The following MAN1A2 variants were observed in gnomAD, a reference collection of about 807,000 sequenced individuals.
MAN1A2 encodes the protein mannosidase alpha class 1A member 2.
A neutral mutation model predicts 75.7 loss-of-function variants in MAN1A2; 26 were observed. The ratio of observed to expected loss-of-function variants is 0.34; its 90% CI spans 0.25 to 0.48. The LOEUF (loss-of-function observed/expected upper bound fraction) is 0.48, where lower values mean the gene tolerates loss of function less well. Ranked by LOEUF, MAN1A2 falls within the 20% of genes least tolerant of loss-of-function variation. MAN1A2 has a pLI of 0.99. For missense variants in MAN1A2, 562 were observed against 775.5 expected (o/e 0.72, Z 3.27); for synonymous variants, 247 against 264.6 (o/e 0.93, Z 0.65).
intron 5 of MAN1A2, among the ~76,000 whole-genome samples, chr1:117,421,045 A>T (rs1648169655): frequency 6.6e-6 from 1 of 152,122 alleles, no homozygotes; most frequent in Non-Finnish European, 1.5e-5. Context: ...CTTACTGTTT[A>T]GAAATTGAAT....
At chr1:117,475,402 G>C (rs1650284449) in intron 8 of MAN1A2, among the ~76,000 whole-genome samples, 1 of 151,238 alleles carries the variant, frequency 6.6e-6, no homozygotes, top group South Asian at 2.1e-4. Context: ...AAGTTGTGAG[G>C]TACATGCCAG....
chr1:117,430,862 T>TG (rs1259320413), intron 5 of MAN1A2, among the ~76,000 whole-genome samples: 3 of 107,410 alleles, frequency 2.8e-5, no homozygotes, highest in Non-Finnish European at 5.7e-5. Context: ...GGCAGGCGGC[T>TG]GGGAGGTGTA....
At chr1:117,370,213 T>C (rs1433257384) in intron 1 of MAN1A2, among the ~76,000 whole-genome samples, 1 of 152,208 alleles carries the variant, frequency 6.6e-6, no homozygotes, top group Non-Finnish European at 1.5e-5. Context: ...CTAAAACTAT[T>C]GGGTTCCTGA....
Position 117,493,195 on chromosome 1 carries a change from T to C in MAN1A2, c.1217T>C (p.Leu406Pro). The change falls in exon 9 of 13, where the codon CTG becomes CCG. Residue 406 changes from leucine (L) to proline (P), a missense_variant. By Grantham distance (98) the Leu-to-Pro change is moderately conservative. Around this residue, in one of 2 missense-constraint regions of MAN1A2, gnomAD observed 434 missense variants for 645.7 expected, o/e 0.67. Transcript: ENST00000356554. ...GLGDSFYEYL[L>P]KAWLMSDKTD... ...GGAGACAGTTTTTATGAATACTTACTGAAAGCATGGTTGATGTCAGATAAA... is the reference window on the plus strand; with the variant it reads ...GGAGACAGTTTTTATGAATACTTACCGAAAGCATGGTTGATGTCAGATAAA... The C allele has an allele frequency of 6.2e-7, 1 of 1,612,434 alleles. No homozygotes were observed. The highest frequency in any genetic ancestry group is 8.5e-7 in the Non-Finnish European group (1 of 1,179,040).
At chr1:117,475,121 A>G (rs1192274810) in intron 8 of MAN1A2, among the ~76,000 whole-genome samples, 2 of 151,686 alleles carry the variant, frequency 1.3e-5, no homozygotes, top group Non-Finnish European at 1.5e-5. Context: ...TTACAAATAA[A>G]GCTGCTATGA....
At chr1:117,408,302 TAAA>T (rs1245208449) in intron 3 of MAN1A2, among the ~76,000 whole-genome samples, 7 of 119,670 alleles carry the variant, frequency 5.8e-5, no homozygotes, top group Non-Finnish European at 8.7e-5. Context: ...CCCTTTCTCT[TAAA>T]AAAAAAAAAA....
At chr1:117,517,751 A>C (rs1389788505) in intron 12 of MAN1A2, among the ~76,000 whole-genome samples, 1 of 152,020 alleles carries the variant, frequency 6.6e-6, no homozygotes, top group East Asian at 1.9e-4. Context: ...AAATAATGGC[A>C]AAAAACTTTC....
Position 117,402,190 on chromosome 1 carries a change from G to A in MAN1A2, c.307G>A (p.Glu103Lys). The change falls in exon 2 of 13, where the codon GAG (glutamate) becomes AAG (lysine). Residue 103 changes from glutamate (E) to lysine (K), a missense_variant. By Grantham distance (56) the Glu-to-Lys change is moderately conservative. Coordinates refer to ENST00000356554, the MANE Select transcript of MAN1A2 (RefSeq NM_006699.5). ...TATTTCCTTCTTTTCTCACAGGGAA[G>A]AGGAAGAACGTCTGAGAAATAAAAT... ...HGPDEHRHRE[E>K]EERLRNKIRA... The A allele has an allele frequency of 6.2e-7, 1 of 1,606,662 alleles. No homozygotes were observed. Among genetic ancestry groups the A allele is most frequent in the Non-Finnish European group, 8.5e-7 (1 of 1,177,640 alleles).
At chr1:117,421,723 G>A (rs1648207199) in intron 5 of MAN1A2, among the ~76,000 whole-genome samples, 1 of 151,372 alleles carries the variant, frequency 6.6e-6, no homozygotes, top group Non-Finnish European at 1.5e-5. Context: ...ATTATATTGT[G>A]TGATTTGTTT....
chr1:117,410,069 C>G (rs1337867715), intron 3 of MAN1A2, among the ~76,000 whole-genome samples: 2 of 151,740 alleles, frequency 1.3e-5, no homozygotes, highest in Admixed American at 1.3e-4. Flanking sequence ...CTTAGAATAC[C>G]TAATACAATA....
At chr1:117,463,633 A>G (rs962709698) in intron 7 of MAN1A2, among the ~76,000 whole-genome samples, 22 of 152,296 alleles carry the variant, frequency 1.4e-4, no homozygotes, top group African/African-American at 4.8e-4. Flanking sequence ...TTGTGCAAAC[A>G]TACTGCTAGA....
At chr1:117,485,478 A>T (rs2101864937) in intron 8 of MAN1A2, among the ~76,000 whole-genome samples, 1 of 152,128 alleles carries the variant, frequency 6.6e-6, no homozygotes, top group South Asian at 2.1e-4. Context: ...AATGGACAAG[A>T]TATTTCAACA....
Position 117,493,226 on chromosome 1 carries a change from C to T in MAN1A2, c.1248C>T (p.Asp416=), listed in dbSNP as rs142019647. The T allele has an allele frequency of 6.4e-5, 103 of 1,611,718 alleles. No homozygotes were observed. In the African/African-American group the frequency reaches 9.1e-4, roughly 14 times the overall value. ...CATGGTTGATGTCAGATAAAACAGA[C>T]CATGAGGCAAGAAAGATGTATGATG... ...LKAWLMSDKT[D]HEARKMYDDA... is the part of the protein sequence containing the mutation. The change falls in exon 9 of 13, where the codon GAC becomes GAT. Residue 416 remains aspartate (D), a synonymous_variant. Coordinates refer to ENST00000356554, the MANE Select transcript of MAN1A2 (RefSeq NM_006699.5).
intron 1 of MAN1A2, among the ~76,000 whole-genome samples, chr1:117,388,551 C>A (rs1202964493): frequency 6.6e-6 from 1 of 152,058 alleles, no homozygotes; most frequent in Non-Finnish European, 1.5e-5. Flanking sequence ...GTAGGCATCT[C>A]ACACAGTAGG....
intron 6 of MAN1A2, among the ~76,000 whole-genome samples, chr1:117,455,400 T>A (rs1361835667): frequency 6.6e-6 from 1 of 152,104 alleles, no homozygotes; most frequent in Non-Finnish European, 1.5e-5. Context: ...TTTGGAAGGA[T>A]TGACTTGGTT....
At chr1:117,513,423 C>T (rs905007222) in intron 12 of MAN1A2, among the ~76,000 whole-genome samples, 1 of 151,856 alleles carries the variant, frequency 6.6e-6, no homozygotes, top group Non-Finnish European at 1.5e-5. Context: ...TCATTCCTTT[C>T]TATTGATGAG....
intron 6 of MAN1A2, among the ~76,000 whole-genome samples, chr1:117,443,391 A>G (rs1215402774): frequency 1.3e-5 from 2 of 152,188 alleles, no homozygotes; most frequent in Admixed American, 1.3e-4. Flanking sequence ...AGCAAGCTCC[A>G]TGGAAGGATA....
chr1:117,515,050 G>T (rs142882630), intron 12 of MAN1A2: 23 of 310,248 alleles, frequency 7.4e-5, no homozygotes, highest in African/African-American at 4.5e-4. Context: ...AAATAGCTTG[G>T]AGTCTGGTTT....
In MAN1A2 at chr1:117,368,194, C is replaced by T. The variant is rs1247428895; in HGVS notation, c.11C>T (p.Pro4Leu). 5.6e-6 allele frequency: 9 copies of T among 1,612,080 alleles called. No homozygotes were observed. Among genetic ancestry groups the T allele is most frequent in the Non-Finnish European group, 7.6e-6 (9 of 1,179,328 alleles). ...CCAAGAGCGTAAACGATGACTACCC[C>T]AGCCCTGCTGCCCCTCTCTGGACGT... MTT[P>L]ALLPLSGRRI... The change falls in exon 1 of 13, where the codon CCA becomes CTA. Residue 4 changes from proline to leucine, a missense_variant. By Grantham distance (98) the Pro-to-Leu change is moderately conservative. This residue lies in a region of MAN1A2 where 128 missense variants were observed against 129.8 expected (regional missense o/e 0.99). Transcript: ENST00000356554.
Sources: gnomAD v4.1 joint callset for allele counts (sites outside exome capture counted in the v4.1 genomes callset) on GRCh38, gnomAD v4.1.1 for gene constraint, gnomAD v4.1.1 regional missense constraint, MANE v1.5 for transcripts, NCBI Gene and HGNC (gene_info 2026-07-23, HGNC 2026-07-21) for gene names.